The following SNX27 variants were observed in gnomAD, a reference collection of about 807,000 sequenced individuals.
SNX27 encodes the protein sorting nexin 27, also known as sorting nexin-27.
SNX27 carries 22 observed loss-of-function variants against 71.6 expected under a neutral mutation model. The ratio of observed to expected loss-of-function variants is 0.31; its 90% confidence interval spans 0.22 to 0.44. The LOEUF (loss-of-function observed/expected upper bound fraction) is 0.44, where lower values mean the gene tolerates loss of function less well. Ranked by LOEUF, SNX27 falls within the 20% of genes least tolerant of loss-of-function variation. The pLI is 1.00. For synonymous variants in SNX27, 269 were observed against 277.2 expected, an observed-to-expected ratio of 0.97 and a Z score of 0.29; for missense variants, 531 against 698.6, an observed-to-expected ratio of 0.76 and a Z score of 2.70.
Position 151,697,417 on chromosome 1 carries a change from G to T in SNX27, c.*3000G>T, listed in dbSNP as rs1229955993. 6.6e-6 allele frequency: 1 copy of T among 152,570 alleles called. No homozygotes were observed. 9.5% of individuals were successfully genotyped at this position (152,570 alleles called of 1,614,324 possible). ...GGTGTTATGTTCCCTTTCTGGCATAGCATTCACTTGGTGCTTTGGAGATTA... is the reference window on the plus strand; with the variant it reads ...GGTGTTATGTTCCCTTTCTGGCATATCATTCACTTGGTGCTTTGGAGATTA... On this transcript the variant is annotated 3_prime_UTR_variant, in exon 12 of 12. Transcript: ENST00000458013.
chr1:151,613,228 G>C (rs905157524), intron 1 of SNX27: 2 of 151,932 alleles, frequency 1.3e-5, no homozygotes, highest in African/African-American at 4.9e-5. Flanking sequence ...GGGGTGGGGG[G>C]CGTGGGATTT....
intron 3 of SNX27, 52 bp downstream of exon 3, chr1:151,658,479 A>T (rs750631859): frequency 2.0e-6 from 3 of 1,533,912 alleles, no homozygotes; most frequent in East Asian, 4.5e-5. Flanking sequence ...GGTTCTAGAT[A>T]TGCAACTTCT....
intron 8 of SNX27, among the ~76,000 whole-genome samples, chr1:151,686,385 AT>A (rs1671193261): frequency 6.6e-6 from 1 of 152,234 alleles, no homozygotes; most frequent in South Asian, 2.1e-4. Context: ...TTATGAAGTC[AT>A]TTTTAGACTT....
chr1:151,689,663 T>C (rs1671347294), intron 8 of SNX27, among the ~76,000 whole-genome samples: 1 of 152,214 alleles, frequency 6.6e-6, no homozygotes. Context: ...TGAGTAGTAC[T>C]AGTTTCAAGG....
At chr1:151,692,681 A>G in intron 9 of SNX27, 97 bp downstream of exon 9, 1 of 1,526,840 alleles carries the variant, frequency 6.5e-7, no homozygotes, top group South Asian at 1.3e-5. Context: ...GGGAAATGAA[A>G]TCAAAACTGT....
chr1:151,628,473 G>A (rs115229216), intron 1 of SNX27, among the ~76,000 whole-genome samples: 1 of 152,242 alleles, frequency 6.6e-6, no homozygotes, highest in Non-Finnish European at 1.5e-5. Context: ...GCAGGTTTTT[G>A]TGTAGATGTA....
chr1:151,644,298 T>A (rs927287505), intron 2 of SNX27, among the ~76,000 whole-genome samples: 4 of 152,172 alleles, frequency 2.6e-5, no homozygotes, highest in Non-Finnish European at 5.9e-5. Context: ...TTTCCAAACC[T>A]CCCATCCCCT....
At chr1:151,617,302 G>A (rs1221480325) in intron 1 of SNX27, among the ~76,000 whole-genome samples, 2 of 152,048 alleles carry the variant, frequency 1.3e-5, no homozygotes, top group African/African-American at 2.4e-5. Flanking sequence ...TTTAGAGACA[G>A]CGTTTCACTC....
chr1:151,625,311 G>T (rs2102606011), intron 1 of SNX27, among the ~76,000 whole-genome samples: 1 of 152,184 alleles, frequency 6.6e-6, no homozygotes, highest in South Asian at 2.1e-4. Context: ...TTCGAGACTA[G>T]CCTGGCCAAC....
At chr1:151,645,215 A>G (rs962468236) in intron 2 of SNX27, among the ~76,000 whole-genome samples, 6 of 152,216 alleles carry the variant, frequency 3.9e-5, no homozygotes, top group East Asian at 1.9e-4. Flanking sequence ...TGGAAAATCA[A>G]TTGACTATGT....
intron 5 of SNX27, among the ~76,000 whole-genome samples, chr1:151,664,100 ATATAAT>A (rs1044051568): frequency 6.8e-6 from 1 of 147,644 alleles, no homozygotes; most frequent in African/African-American, 2.5e-5. Flanking sequence ...TTATATATAA[ATATAAT>A]TATATATATT....
intron 1 of SNX27, chr1:151,629,500 TATATATACATATATACACGTATATATACA>T (rs1441791361): frequency 6.6e-6 from 1 of 150,838 alleles, no homozygotes; most frequent in Non-Finnish European, 1.5e-5. Flanking sequence ...TGTATGCGTA[TATATATACATATATACACGTATATATACA>T]TGTATACGTA....
At position 151,658,311 on chromosome 1, in the gene SNX27, T is replaced by G. The variant is rs1558058130; in HGVS notation, c.620T>G (p.Leu207Arg). 6.2e-7 allele frequency: 1 copy of G among 1,614,178 alleles called. No homozygotes were observed. Among genetic ancestry groups the G allele is most frequent in the Admixed American group, 1.7e-5 (1 of 60,012 alleles). Residue 207 changes from leucine (L) to arginine (R), a missense_variant, in exon 3 of 12, where the codon CTG becomes CGG. Transcript: ENST00000458013. ...YREFAILHQNLKREFANFTFP... is the reference protein window; with the variant it reads ...YREFAILHQNRKREFANFTFP... ...GAGTTTGCTATCCTACACCAGAACC[T>G]GAAGAGAGAGTTTGCCAACTTTACA... is the stretch of plus-strand genomic sequence containing the variant.
chr1:151,631,865 G>A (rs550169972), intron 1 of SNX27, among the ~76,000 whole-genome samples: 2 of 152,130 alleles, frequency 1.3e-5, no homozygotes, highest in African/African-American at 2.4e-5. Flanking sequence ...TTGTAAAGGC[G>A]GAGTCCCACC....
In SNX27 at chr1:151,663,147, A is replaced by G. The variant is rs577465786; in HGVS notation, c.906+877A>G. Among the ~76,000 whole-genome samples the G allele has an allele frequency of 1.2e-4, 18 of 150,496 alleles. 1 individual carries two copies. In the Middle Eastern group the frequency reaches 0.011, roughly 88 times the overall value. On this transcript the variant is annotated intron_variant, in intron 5 of 11. Coordinates refer to ENST00000458013, the MANE Select transcript of SNX27 (RefSeq NM_001330723.2). ...AATCTAAACAAGGTCCTTAGATCAC[A>G]TTTGATTTTTTTTTTTTTTTTGAGA...
At chr1:151,667,695 C>T (rs1334471094) in intron 6 of SNX27, among the ~76,000 whole-genome samples, 3 of 150,926 alleles carry the variant, frequency 2.0e-5, no homozygotes, top group East Asian at 3.9e-4. Context: ...GGCGTAGTGG[C>T]GGGCGCCTGT....
At chr1:151,623,874 G>T (rs971116305) in intron 1 of SNX27, among the ~76,000 whole-genome samples, 3 of 152,116 alleles carry the variant, frequency 2.0e-5, no homozygotes, top group African/African-American at 7.2e-5. Flanking sequence ...TATTTTTGGA[G>T]CATCAGAACT....
chr1:151,665,729 C>T (rs1179624865), intron 5 of SNX27, among the ~76,000 whole-genome samples: 3 of 152,012 alleles, frequency 2.0e-5, no homozygotes, highest in Non-Finnish European at 4.4e-5. Flanking sequence ...GTGTTTTTTC[C>T]CTTTTCTTTC....
intron 7 of SNX27, among the ~76,000 whole-genome samples, chr1:151,671,091 T>TA (rs1201815215): frequency 1.2e-4 from 18 of 152,172 alleles, no homozygotes; most frequent in African/African-American, 4.3e-4. Context: ...ATGAGTTAAC[T>TA]GTAGGTATGT....
Sources: allele counts gnomAD v4.1 joint callset (sites outside exome capture counted in the v4.1 genomes callset), GRCh38; gene constraint gnomAD v4.1.1; transcripts MANE v1.5; gene names NCBI Gene and HGNC (gene_info 2026-07-23, HGNC 2026-07-21).